PDZD2: variants seen among roughly 807,000 people sequenced by gnomAD.
PDZD2 encodes PDZ domain-containing protein 2.
In PDZD2, 90 loss-of-function variants were observed where a neutral mutation model predicts 220.7. The ratio of observed to expected loss-of-function variants is 0.41; its 90% confidence interval spans 0.34 to 0.49. The LOEUF (loss-of-function observed/expected upper bound fraction) is 0.49, where lower values mean the gene tolerates loss of function less well. Ranked by LOEUF, PDZD2 falls within the 20% of genes least tolerant of loss-of-function variation. The probability of loss-of-function intolerance (pLI) is 0.28; values close to 1 mark genes in which losing one functional copy is unlikely to be tolerated. For missense variants in PDZD2, 3,174 were observed against 3,608.5 expected (o/e 0.88, Z 3.08); for synonymous variants, 1,375 against 1,450.5 (o/e 0.95, Z 1.18).
rs578030155 is a variant in PDZD2 at position 31,811,795 on chromosome 5, A to C, written c.476+12071A>C. Among the ~76,000 whole-genome samples the C allele has an allele frequency of 8.8e-4, 133 of 151,914 alleles. 5 individuals carry two copies. The South Asian group carries it at 0.027, about 30-fold the overall frequency. ...ACTTGAGGTCAGGAGTTGGAGACCAACCTGGCCAACACGGTGAAACCCCAT... is the reference window on the plus strand; with the variant it reads ...ACTTGAGGTCAGGAGTTGGAGACCACCCTGGCCAACACGGTGAAACCCCAT... On this transcript the variant is annotated intron_variant, in intron 2 of 24. Transcript: ENST00000438447.
chr5:31,818,345 T>G (rs1428851630), intron 2 of PDZD2, among the ~76,000 whole-genome samples: 1 of 152,060 alleles, frequency 6.6e-6, no homozygotes, highest in Admixed American at 6.6e-5. Context: ...AAGTAGAGAG[T>G]TTAGCCCTGT....
intron 2 of PDZD2, among the ~76,000 whole-genome samples, chr5:31,838,472 A>G (rs916699537): frequency 2.0e-5 from 3 of 152,250 alleles, no homozygotes; most frequent in Admixed American, 6.5e-5. Flanking sequence ...ATCACAGTCT[A>G]AAAGATTTTG....
At chr5:32,020,662 T>TG (rs1441622509) in intron 6 of PDZD2, among the ~76,000 whole-genome samples, 3 of 151,768 alleles carry the variant, frequency 2.0e-5, no homozygotes, top group Non-Finnish European at 2.9e-5. Context: ...TTCTTTTTTT[T>TG]TTGAGACAGA....
intron 1 of PDZD2, among the ~76,000 whole-genome samples, chr5:31,701,341 C>T (rs1371313275): frequency 6.6e-6 from 1 of 152,076 alleles, no homozygotes; most frequent in Non-Finnish European, 1.5e-5. Context: ...GGCTTCCATG[C>T]GTGTGCCACC....
rs150675991 is a variant in PDZD2, at chr5:32,012,346, G to A, written c.1407+1864G>A. Among the ~76,000 whole-genome samples, 536 of 152,174 alleles carry A rather than the reference G, an allele frequency of 3.5e-3. 1 individual carries two copies. The highest frequency in any genetic ancestry group is 6.2e-3 in the Admixed American group (95 of 15,290). ...CATTGACGGAGCATAACAGCTCTTT[G>A]TAGAGAGCTTACAAGCACGCATATT... is the stretch of plus-strand genomic sequence containing the variant. On this transcript the variant is annotated intron_variant, in intron 6 of 24. Transcript: ENST00000438447.
chr5:31,706,160 T>C (rs72755421), intron 1 of PDZD2, among the ~76,000 whole-genome samples: 20,620 of 152,162 alleles, frequency 0.14, 1,520 homozygotes, highest in East Asian at 0.21. Flanking sequence ...ATGTAGTAGG[T>C]ATTCAATAAA....
chr5:31,739,574 T>TA (rs1179760003), intron 1 of PDZD2, among the ~76,000 whole-genome samples: 2 of 151,914 alleles, frequency 1.3e-5, no homozygotes, highest in African/African-American at 4.8e-5. Flanking sequence ...AAGATAAAAA[T>TA]AAAAAAAAGA....
intron 14 of PDZD2, among the ~76,000 whole-genome samples, chr5:32,065,789 C>A (rs1438998408): frequency 6.6e-6 from 1 of 152,136 alleles, no homozygotes; most frequent in Non-Finnish European, 1.5e-5. Context: ...CTTTGGGAGG[C>A]CAAGGCGGGT....
chr5:31,682,953 C>T (rs936522783), intron 1 of PDZD2, among the ~76,000 whole-genome samples: 16 of 152,162 alleles, frequency 1.1e-4, no homozygotes, highest in Middle Eastern at 3.4e-3. Flanking sequence ...ACACTCTCAC[C>T]GCCCCCAAGT....
chr5:31,866,000 T>C (rs1007417571), intron 2 of PDZD2, among the ~76,000 whole-genome samples: 1 of 149,530 alleles, frequency 6.7e-6, no homozygotes, highest in Non-Finnish European at 1.5e-5. Flanking sequence ...TCTTGTTTTG[T>C]TCTTGATTTT....
intron 1 of PDZD2, among the ~76,000 whole-genome samples, chr5:31,778,692 G>T (rs1179066873): frequency 6.6e-6 from 1 of 152,104 alleles, no homozygotes; most frequent in African/African-American, 2.4e-5. Context: ...TCACCGGGAG[G>T]GTCCGCGGCT....
chr5:31,923,320 G>T, intron 2 of PDZD2: 1 of 731,834 alleles, frequency 1.4e-6, no homozygotes, highest in Non-Finnish European at 2.5e-6. Flanking sequence ...GATTCCCGAT[G>T]CGGTGGTTGC....
At chr5:31,912,150 G>T (rs76966114) in intron 2 of PDZD2, among the ~76,000 whole-genome samples, 1 of 152,066 alleles carries the variant, frequency 6.6e-6, no homozygotes, top group East Asian at 1.9e-4. Context: ...CGGCTTATAA[G>T]TAACAAACTT....
intron 1 of PDZD2, among the ~76,000 whole-genome samples, chr5:31,786,156 A>C (rs1279633115): frequency 2.0e-5 from 3 of 152,152 alleles, no homozygotes; most frequent in Non-Finnish European, 2.9e-5. Flanking sequence ...CAGTTGACAT[A>C]AGGTTGAACC....
Position 32,090,337 on chromosome 5 carries a change from G to T in PDZD2, c.6889G>T (p.Asp2297Tyr), listed in dbSNP as rs151212288. 1 of 1,614,174 alleles carries T rather than the reference G, an allele frequency of 6.2e-7. No individual in the cohort carries two copies. Among genetic ancestry groups the T allele is most frequent in the East Asian group, 2.2e-5 (1 of 44,886 alleles). ...GAATCTTCCAGCCACAGATGAAGGG[G>T]ATATCATTTCAGTCCAGGAGACGAG... ...SRNLPATDEG[D>Y]IISVQETSCL... Residue 2297 changes from aspartate (D) to tyrosine (Y), a missense_variant, in exon 20 of 25, where the codon GAT becomes TAT. Coordinates refer to ENST00000438447, the MANE Select transcript of PDZD2 (RefSeq NM_178140.4). This position sits in a 1 kb window ranked among gnomAD's most constrained non-coding sequence, Gnocchi z 4.3.
At chr5:31,792,418 T>G (rs1561463307) in intron 1 of PDZD2, among the ~76,000 whole-genome samples, 1 of 152,056 alleles carries the variant, frequency 6.6e-6, no homozygotes, top group Non-Finnish European at 1.5e-5. Flanking sequence ...TTATTATGGT[T>G]TGTTTTGTTT....
chr5:32,022,629 G>A (rs1205480588), intron 6 of PDZD2, among the ~76,000 whole-genome samples: 1 of 152,034 alleles, frequency 6.6e-6, no homozygotes, highest in Non-Finnish European at 1.5e-5. Flanking sequence ...ATGGATGGGT[G>A]GCATTTGACT....
exon 25 of PDZD2, chr5:32,110,928 CTTGA>C (rs1196065966): frequency 2.6e-5 from 4 of 151,926 alleles, no homozygotes; most frequent in Admixed American, 6.6e-5. Flanking sequence ...CTGCTTACTA[CTTGA>C]TTTTTTTTTT....
chr5:31,699,074 G>A (rs911285385), intron 1 of PDZD2, among the ~76,000 whole-genome samples: 1 of 152,128 alleles, frequency 6.6e-6, no homozygotes, highest in Non-Finnish European at 1.5e-5. Context: ...TTTGTAATAC[G>A]CTGCAAGCCC....
Sources: gnomAD v4.1 joint callset for allele counts (sites outside exome capture counted in the v4.1 genomes callset) on GRCh38, gnomAD v4.1.1 for gene constraint, Gnocchi (gnomAD v3.1) non-coding constraint, MANE v1.5 for transcripts, NCBI Gene and HGNC (gene_info 2026-07-23, HGNC 2026-07-21) for gene names.